The following NLRC5 variants were observed in gnomAD, a reference collection of about 807,000 sequenced individuals.
NLRC5 encodes the protein NLR family CARD domain containing 5.
A neutral mutation model predicts 206.9 loss-of-function variants in NLRC5; 114 were observed. The ratio of observed to expected loss-of-function variants is 0.55; its 90% CI spans 0.47 to 0.64. The LOEUF (loss-of-function observed/expected upper bound fraction) is 0.64. Ranked by LOEUF, NLRC5 falls within the 30% of genes least tolerant of loss-of-function variation. The pLI is 0.00. For synonymous variants in NLRC5, 952 were observed against 962.8 expected (o/e 0.99, Z 0.21); for missense variants, 2,008 against 2,305.5 (o/e 0.87, Z 2.64).
At chr16:57,027,209 G>C (rs1211110933) in intron 6 of NLRC5, among the ~76,000 whole-genome samples, 191 bp downstream of exon 6, 2 of 152,220 alleles carry the variant, frequency 1.3e-5, no homozygotes, top group African/African-American at 2.4e-5. Context: ...TCCTCCTCTT[G>C]TCTGTGGTTT....
chr16:57,026,378 G>C lies in NLRC5; in HGVS notation c.1435G>C (p.Asp479His), dbSNP rs763777727. The change falls in exon 6 of 49, where the codon GAT (aspartate) becomes CAT (histidine). Residue 479 changes from aspartate (D) to histidine (H), a missense_variant. Asp to His is a moderately conservative substitution (Grantham distance 81). Transcript: ENST00000688547. Reference sequence around the variant, plus strand: ...AGGGAAGGTTATCTTCTATGCAAAAGATATTGCTCCACCCTTGATAGCTTT... The same window carrying C: ...AGGGAAGGTTATCTTCTATGCAAAACATATTGCTCCACCCTTGATAGCTTT... The part of the protein sequence containing the change: ...ETGKVIFYAK[D>H]IAPPLIAFGA... The C allele has an allele frequency of 1.9e-6, 3 of 1,613,906 alleles. No homozygotes were observed. Among genetic ancestry groups the C allele is most frequent in the African/African-American group, 2.7e-5 (2 of 74,934 alleles).
At chr16:57,024,842 T>G (rs1218103861) in intron 5 of NLRC5, among the ~76,000 whole-genome samples, 5 of 152,102 alleles carry the variant, frequency 3.3e-5, no homozygotes, top group African/African-American at 1.2e-4. Context: ...AAACCTTGTC[T>G]CTACTAAAAA....
At chr16:57,061,304 T>A (rs1321469446) in intron 30 of NLRC5, 144 bp from the exon 31 acceptor site, 1 of 677,868 alleles carries the variant, frequency 1.5e-6, no homozygotes, top group Non-Finnish European at 2.5e-6. Flanking sequence ...AGGAGCTGCA[T>A]ATTTGGCCTC....
intron 41 of NLRC5, 43 bp downstream of exon 41, chr16:57,077,422 G>T (rs376711139): frequency 2.5e-5 from 38 of 1,549,852 alleles, no homozygotes; most frequent in Non-Finnish European, 3.3e-5. Context: ...GGGGTCACAC[G>T]ATGGTCCTAG....
At chr16:57,051,693 G>C (rs2064930033) in intron 24 of NLRC5, 72 bp downstream of exon 24, 1 of 1,217,652 alleles carries the variant, frequency 8.2e-7, no homozygotes, top group East Asian at 2.3e-5. Context: ...TGGCAAAGCT[G>C]TACCTGCCCT....
intron 8 of NLRC5, among the ~76,000 whole-genome samples, chr16:57,028,963 G>T (rs1481434243): frequency 6.6e-6 from 1 of 152,166 alleles, no homozygotes; most frequent in Non-Finnish European, 1.5e-5. Context: ...AGTGGGACCA[G>T]TGACCCTCCT....
intron 1 of NLRC5, among the ~76,000 whole-genome samples, chr16:56,995,932 G>A (rs1270404808): frequency 6.6e-6 from 1 of 152,154 alleles, no homozygotes; most frequent in Admixed American, 6.5e-5. Context: ...TGTGGAGAGG[G>A]CATCCGATTC....
At chr16:57,013,381 C>G in intron 1 of NLRC5, 1 of 630,124 alleles carries the variant, frequency 1.6e-6, no homozygotes, top group Non-Finnish European at 2.9e-6. Context: ...TTCCAAGTTA[C>G]TAAGCTGTTG....
chr16:57,015,219 G>A (rs114860409), intron 1 of NLRC5, among the ~76,000 whole-genome samples: 9,493 of 152,138 alleles, frequency 0.062, 954 homozygotes, highest in African/African-American at 0.21. Flanking sequence ...GTGAACCACC[G>A]CACCCGGCCT....
chr16:57,076,843 T>G lies in NLRC5; in HGVS notation c.4776T>G (p.Asp1592Glu). The change falls in exon 40 of 49, where the codon GAT (aspartate) becomes GAG (glutamate). Residue 1592 changes from aspartate to glutamate, a missense_variant. Asp to Glu is a conservative substitution (Grantham distance 45). Transcript: ENST00000688547. ...GACTGAACAGGAACAGTATCGGTGA[T>G]GTCGGTTGCTGCCACCTTTCTGAGG... is the stretch of plus-strand genomic sequence containing the variant. ...SLRLNRNSIG[D>E]VGCCHLSEAL... 8 of 1,614,148 alleles carry G rather than the reference T, an allele frequency of 5.0e-6. No homozygotes were observed. Among genetic ancestry groups the G allele is most frequent in the Non-Finnish European group, 6.8e-6 (8 of 1,180,044 alleles).
In NLRC5 at chr16:57,034,305, G is replaced by A. The variant is rs943756378; in HGVS notation, c.2627+54G>A. 2.6e-5 allele frequency: 38 copies of A among 1,444,782 alleles called. No individual in the cohort carries two copies. In the African/African-American group the frequency reaches 4.9e-4, roughly 19 times the overall value. The allele number at this position is 1,444,782 out of a possible 1,614,324, so 89.5% of individuals were successfully genotyped here. On this transcript the variant is annotated intron_variant, in intron 13 of 48. Coordinates refer to ENST00000688547, the MANE Select transcript of NLRC5 (RefSeq NM_001384950.1). ...GAGCCAGGAAAGGAGGTTGGAGAGG[G>A]TGGGCAGGGCCTCGCCTTTGGGTGG...
At chr16:56,995,784 A>G (rs1456473361) in intron 1 of NLRC5, among the ~76,000 whole-genome samples, 1 of 152,164 alleles carries the variant, frequency 6.6e-6, no homozygotes, top group Non-Finnish European at 1.5e-5. Flanking sequence ...GTGTCTCTCA[A>G]TAGTCTTATT....
rs145947544 is a variant in NLRC5, at chr16:57,033,663, C to A, written c.2537C>A (p.Thr846Lys). Residue 846 changes from threonine to lysine, a missense_variant, in exon 12 of 49, where the codon ACG becomes AAG. Coordinates refer to ENST00000688547, the MANE Select transcript of NLRC5 (RefSeq NM_001384950.1). ...AAAGGGGCTCAGAGCAGAAGCTTGA[C>A]GCTCAGGTACCTTGGAGGGATCTAT... ...QRKGAQSRSL[T>K]LRLQKCQLQV... 16 of 1,613,756 alleles carry A rather than the reference C, an allele frequency of 9.9e-6. No individual in the cohort carries two copies. In the African/African-American group the frequency reaches 1.9e-4, roughly 19 times the overall value.
At chr16:57,012,150 C>T (rs559867180) in intron 1 of NLRC5, among the ~76,000 whole-genome samples, 9 of 152,326 alleles carry the variant, frequency 5.9e-5, no homozygotes, top group East Asian at 1.9e-4. Flanking sequence ...TCATACAATA[C>T]GTGATCTTTA....
intron 19 of NLRC5, 73 bp from the exon 20 acceptor site, chr16:57,043,442 C>A: frequency 8.5e-7 from 1 of 1,174,586 alleles, no homozygotes. Context: ...CTCCCCCGCC[C>A]TGTGCCCTGA....
chr16:57,068,397 C>T (rs1219093167), intron 36 of NLRC5, among the ~76,000 whole-genome samples: 1 of 151,072 alleles, frequency 6.6e-6, no homozygotes, highest in Non-Finnish European at 1.5e-5. Context: ...TGCCACTGCA[C>T]TCTAGCCTAG....
intron 37 of NLRC5, 32 bp downstream of exon 37, chr16:57,069,951 G>A (rs770787318): frequency 2.0e-6 from 3 of 1,538,022 alleles, no homozygotes; most frequent in Non-Finnish European, 2.6e-6. Flanking sequence ...TTGGGGACAA[G>A]TGGCCCAGCT....
chr16:57,064,206 A>C (rs2066847349), intron 32 of NLRC5, among the ~76,000 whole-genome samples: 2 of 152,006 alleles, frequency 1.3e-5, no homozygotes, highest in Non-Finnish European at 2.9e-5. Flanking sequence ...ATATCTACAA[A>C]AAATAAAAAT....
chr16:57,021,311 G>T (rs551696823), intron 3 of NLRC5, among the ~76,000 whole-genome samples: 1 of 152,014 alleles, frequency 6.6e-6, no homozygotes, highest in Non-Finnish European at 1.5e-5. Flanking sequence ...TTTTTGGCGG[G>T]GGTGGGGGGG....
Sources: gnomAD v4.1 joint callset for allele counts (sites outside exome capture counted in the v4.1 genomes callset) on GRCh38, gnomAD v4.1.1 for gene constraint, MANE v1.5 for transcripts, NCBI Gene and HGNC (gene_info 2026-07-23, HGNC 2026-07-21) for gene names.